Variants in MYOM1 observed in about 807,000 individuals in gnomAD.
MYOM1 encodes myomesin 1.
Under a neutral mutation model 205.3 loss-of-function variants are expected in MYOM1, and 164 were observed. The ratio of observed to expected loss-of-function variants is 0.80; its 90% confidence interval spans 0.70 to 0.91. The LOEUF is 0.91. Ranked by LOEUF, MYOM1 falls within the 40% of genes least tolerant of loss-of-function variation. The pLI is 0.00. For missense variants in MYOM1, 2,011 were observed against 2,127.3 expected (o/e 0.95, Z 1.08); for synonymous variants, 772 against 789.4 (o/e 0.98, Z 0.37).
intron 30 of MYOM1, among the ~76,000 whole-genome samples, 191 bp downstream of exon 30, chr18:3,085,847 A>G (rs188023558): frequency 6.6e-6 from 1 of 152,226 alleles, no homozygotes; most frequent in Non-Finnish European, 1.5e-5. Flanking sequence ...CATTCAGCTC[A>G]TACTGGTTTG....
chr18:3,236,158 G>A, the MYOM1 span, among the ~76,000 whole-genome samples: 1 of 150,884 alleles, frequency 6.6e-6, no homozygotes, highest in South Asian at 2.1e-4. Context: ...AGTAGAGGTG[G>A]TAGGACACTT....
At chr18:3,130,483 G>C (rs1202914809) in intron 17 of MYOM1, among the ~76,000 whole-genome samples, 1 of 152,056 alleles carries the variant, frequency 6.6e-6, no homozygotes, top group Non-Finnish European at 1.5e-5. Flanking sequence ...ACAGGATCTT[G>C]CTTTGTTGTC....
At chr18:3,154,708 T>C (rs778781154) in intron 11 of MYOM1, among the ~76,000 whole-genome samples, 4 of 151,904 alleles carry the variant, frequency 2.6e-5, no homozygotes, top group Non-Finnish European at 5.9e-5. Flanking sequence ...ATTATATGTA[T>C]GTGTATATAT....
chr18:3,089,768 A>G (rs1215576973), intron 27 of MYOM1, among the ~76,000 whole-genome samples, 172 bp from the exon 28 acceptor site: 2 of 152,236 alleles, frequency 1.3e-5, no homozygotes, highest in Admixed American at 6.5e-5. Flanking sequence ...GGTTAAATAA[A>G]TTGTACAAGG....
chr18:3,087,891 A>G (rs181521904), intron 29 of MYOM1, among the ~76,000 whole-genome samples: 170 of 152,318 alleles, frequency 1.1e-3, no homozygotes, highest in South Asian at 6.4e-3. Context: ...CGCATACTCC[A>G]TGAACTGTAA....
intron 20 of MYOM1, among the ~76,000 whole-genome samples, chr18:3,117,010 C>G (rs1947651022): frequency 6.6e-6 from 1 of 152,142 alleles, no homozygotes; most frequent in Non-Finnish European, 1.5e-5. Context: ...GTGTGCACCA[C>G]CACACCCGGC....
At chr18:3,127,305 A>ATTTTTTT (rs1555620545) in intron 18 of MYOM1, among the ~76,000 whole-genome samples, 32 of 47,568 alleles carry the variant, frequency 6.7e-4, no homozygotes, top group South Asian at 2.6e-3. Flanking sequence ...ATATATATAT[A>ATTTTTTT]TTTTTTTTTT....
chr18:3,116,320 C>T lies in MYOM1; in HGVS notation c.3303+11G>A. ...TAGTAGAGGAAGCTCTAGAACTGAG[C>T]AGCCTCTTACCTTCAGGTATACGTT... On this transcript the variant is annotated intron_variant, in intron 21 of 37. Coordinates refer to ENST00000356443, the MANE Select transcript of MYOM1 (RefSeq NM_003803.4). 1 of 1,609,220 alleles carries T rather than the reference C, an allele frequency of 6.2e-7. No individual in the cohort carries two copies. The highest frequency in any genetic ancestry group is 8.5e-7 in the Non-Finnish European group (1 of 1,178,562).
chr18:3,208,412 C>A (rs2081152529), intron 2 of MYOM1, among the ~76,000 whole-genome samples: 1 of 152,162 alleles, frequency 6.6e-6, no homozygotes, highest in African/African-American at 2.4e-5. Context: ...TACTTGCGGG[C>A]TGAGAGGACT....
intron 10 of MYOM1, among the ~76,000 whole-genome samples, chr18:3,162,100 T>C (rs567869886): frequency 4.0e-4 from 61 of 152,356 alleles, no homozygotes; most frequent in African/African-American, 1.4e-3. Flanking sequence ...AAAAATGAGC[T>C]AGTCTACCTG....
At chr18:3,132,122 A>G (rs865806193) in intron 16 of MYOM1, among the ~76,000 whole-genome samples, 2 of 143,324 alleles carry the variant, frequency 1.4e-5, no homozygotes, top group Non-Finnish European at 3.1e-5. Flanking sequence ...GTGTGTGTAT[A>G]TATATATATA....
intron 22 of MYOM1, among the ~76,000 whole-genome samples, chr18:3,105,779 T>C (rs549234081): frequency 6.6e-6 from 1 of 152,270 alleles, no homozygotes; most frequent in African/African-American, 2.4e-5. Context: ...CGCTTGGACC[T>C]GAGAGACGGA....
chr18:3,185,580 T>C (rs2080798427), intron 5 of MYOM1, among the ~76,000 whole-genome samples: 1 of 152,212 alleles, frequency 6.6e-6, no homozygotes, highest in Non-Finnish European at 1.5e-5. Flanking sequence ...AGAAGAAATG[T>C]CCCTTTAACA....
chr18:3,170,743 A>G (rs1442642663), intron 8 of MYOM1, among the ~76,000 whole-genome samples: 1 of 152,198 alleles, frequency 6.6e-6, no homozygotes, highest in East Asian at 1.9e-4. Context: ...CCCTTGCAAC[A>G]AATCTATGCC....
intron 20 of MYOM1, 39 bp from the exon 21 acceptor site, chr18:3,116,554 G>C: frequency 3.4e-6 from 5 of 1,482,984 alleles, no homozygotes; most frequent in African/African-American, 1.4e-5. Flanking sequence ...AATCATAACA[G>C]AGAAAACTCG....
chr18:3,126,264 CAAAAAA>C (rs575517054), intron 19 of MYOM1, among the ~76,000 whole-genome samples: 1 of 65,088 alleles, frequency 1.5e-5, no homozygotes, highest in African/African-American at 5.6e-5. Context: ...GACTTCATCT[CAAAAAA>C]AAAAAAAAAA....
chr18:3,163,618 AATTTTTTGT>A, intron 10 of MYOM1, among the ~76,000 whole-genome samples: 1 of 151,798 alleles, frequency 6.6e-6, no homozygotes, highest in Non-Finnish European at 1.5e-5. Context: ...ATGCCCGGCT[AATTTTTTGT>A]ATTTTTTGTA....
At chr18:3,156,774 A>AT (rs1034976578) in intron 10 of MYOM1, among the ~76,000 whole-genome samples, 2 of 151,580 alleles carry the variant, frequency 1.3e-5, no homozygotes, top group African/African-American at 4.8e-5. Context: ...TGCCCGGCTA[A>AT]TTTTTTTTGT....
intron 33 of MYOM1, among the ~76,000 whole-genome samples, chr18:3,080,186 A>C (rs2079068305): frequency 6.6e-6 from 1 of 152,216 alleles, no homozygotes; most frequent in Non-Finnish European, 1.5e-5. Context: ...AAATGACGTT[A>C]TTATAGTAAC....
Sources: allele counts gnomAD v4.1 joint callset (sites outside exome capture counted in the v4.1 genomes callset), GRCh38; gene constraint gnomAD v4.1.1; transcripts MANE v1.5; gene names NCBI Gene and HGNC (gene_info 2026-07-23, HGNC 2026-07-21).